The following MTSS1 variants were observed in gnomAD, a reference collection of about 807,000 sequenced individuals.
MTSS1 encodes the protein MTSS I-BAR domain containing 1.
A neutral mutation model predicts 79.0 loss-of-function variants in MTSS1; 18 were observed. The ratio of observed to expected loss-of-function variants is 0.23; its 90% CI spans 0.16 to 0.34. The LOEUF is 0.34. Among genes scored for constraint, MTSS1 ranks in the 10% least tolerant of loss-of-function variants. The probability of loss-of-function intolerance (pLI) is 1.00; values close to 1 mark genes in which losing one functional copy is unlikely to be tolerated. For synonymous variants in MTSS1, 341 were observed against 368.6 expected (o/e 0.93, Z 0.86); for missense variants, 815 against 986.2 (o/e 0.83, Z 2.33).
chr8:124,587,173 G>A (rs989916462), intron 5 of MTSS1, among the ~76,000 whole-genome samples: 4 of 152,306 alleles, frequency 2.6e-5, no homozygotes, highest in Admixed American at 2.0e-4. Flanking sequence ...CAGGGGCCTG[G>A]CCGGATGGTT....
At chr8:124,648,654 C>G (rs958310564) in intron 3 of MTSS1, among the ~76,000 whole-genome samples, 1 of 152,116 alleles carries the variant, frequency 6.6e-6, no homozygotes, top group Non-Finnish European at 1.5e-5. Flanking sequence ...AGCCGTTTCC[C>G]TACTCTCTCC....
chr8:124,583,776 T>G (rs1461392381), intron 6 of MTSS1, among the ~76,000 whole-genome samples: 2 of 152,208 alleles, frequency 1.3e-5, no homozygotes, highest in Non-Finnish European at 2.9e-5. Flanking sequence ...CCCCGAACTG[T>G]GACCAGCCTG....
chr8:124,562,660 G>C (rs1825590449), intron 10 of MTSS1, 122 bp downstream of exon 10: 1 of 943,824 alleles, frequency 1.1e-6, no homozygotes. Context: ...AATTAAACCA[G>C]AGGTTTCTCA....
intron 5 of MTSS1, among the ~76,000 whole-genome samples, chr8:124,587,373 T>C (rs908907431): frequency 5.3e-5 from 8 of 152,250 alleles, no homozygotes; most frequent in Non-Finnish European, 8.8e-5. Flanking sequence ...AAAGTACAGA[T>C]GGATAAATCC....
chr8:124,632,172 G>T (rs947135577), intron 3 of MTSS1, among the ~76,000 whole-genome samples: 2 of 151,436 alleles, frequency 1.3e-5, no homozygotes, highest in African/African-American at 2.4e-5. Flanking sequence ...CCAGCTACTT[G>T]GGAGGCTGAG....
chr8:124,676,629 C>T (rs1825338502), intron 3 of MTSS1, among the ~76,000 whole-genome samples: 1 of 152,236 alleles, frequency 6.6e-6, no homozygotes, highest in Admixed American at 6.5e-5. Flanking sequence ...GCTTCCAAGA[C>T]AACTTCTCAG....
chr8:124,689,772 T>G (rs1384564227), intron 3 of MTSS1, among the ~76,000 whole-genome samples: 1 of 150,926 alleles, frequency 6.6e-6, no homozygotes, highest in African/African-American at 2.4e-5. Flanking sequence ...AAAAAATTCT[T>G]CGCTTCATCT....
chr8:124,650,919 G>A (rs953342413), intron 3 of MTSS1, among the ~76,000 whole-genome samples: 1 of 152,188 alleles, frequency 6.6e-6, no homozygotes, highest in Admixed American at 6.5e-5. Flanking sequence ...GAGGACATCA[G>A]TTTACCTCTC....
chr8:124,721,777 A>C (rs1046954376), intron 1 of MTSS1, among the ~76,000 whole-genome samples: 1 of 152,116 alleles, frequency 6.6e-6, no homozygotes, highest in Non-Finnish European at 1.5e-5. Flanking sequence ...GGTGCTTTTC[A>C]AAATCTTAAT....
intron 3 of MTSS1, among the ~76,000 whole-genome samples, chr8:124,652,321 A>C (rs908240395): frequency 6.6e-6 from 1 of 151,964 alleles, no homozygotes; most frequent in Admixed American, 6.6e-5. Context: ...CTACAGGTGC[A>C]TGCCACCATG....
At chr8:124,688,703 G>A (rs1055031616) in intron 3 of MTSS1, among the ~76,000 whole-genome samples, 1 of 152,128 alleles carries the variant, frequency 6.6e-6, no homozygotes, top group Admixed American at 6.5e-5. Context: ...ACAGAACAGA[G>A]ATTTTTTTCA....
intron 3 of MTSS1, among the ~76,000 whole-genome samples, chr8:124,691,736 G>C (rs545523775): frequency 6.6e-6 from 1 of 151,862 alleles, no homozygotes; most frequent in East Asian, 1.9e-4. Flanking sequence ...GGCTGGTCTC[G>C]AACTGCTGAC....
chr8:124,621,554 T>C (rs551050721), intron 3 of MTSS1, among the ~76,000 whole-genome samples: 204 of 137,348 alleles, frequency 1.5e-3, no homozygotes, highest in African/African-American at 4.9e-3. Flanking sequence ...TGTTTGTGTG[T>C]TTTTTTTTGA....
intron 3 of MTSS1, among the ~76,000 whole-genome samples, chr8:124,691,251 A>G (rs1827886239): frequency 6.6e-6 from 1 of 152,148 alleles, no homozygotes; most frequent in African/African-American, 2.4e-5. Context: ...ATCACCTCCC[A>G]CTAGGGCAAT....
In MTSS1 at chr8:124,682,731, G is replaced by C. The variant is rs954641860; in HGVS notation, c.208+16795C>G. ...CTGAAACAGCAGCTCCTACTTCAAC[G>C]AAGGGGAACTGGGTGGGGAGGGAAA... On this transcript the variant is annotated intron_variant, in intron 3 of 13. Transcript: ENST00000518547. Among the ~76,000 whole-genome samples the C allele has an allele frequency of 3.9e-5, 6 of 152,200 alleles. No homozygotes were observed. The East Asian group carries it at 9.6e-4, about 24-fold the overall frequency.
intron 1 of MTSS1, among the ~76,000 whole-genome samples, chr8:124,708,881 G>GA (rs902490054): frequency 1.5e-5 from 2 of 135,066 alleles, no homozygotes; most frequent in African/African-American, 5.5e-5. Flanking sequence ...TCTAAAAAAA[G>GA]AAAAAAAATC....
chr8:124,606,753 T>G (rs1481482186), intron 3 of MTSS1, among the ~76,000 whole-genome samples: 1 of 151,762 alleles, frequency 6.6e-6, no homozygotes, highest in Admixed American at 6.6e-5. Flanking sequence ...CTGTCGCCAC[T>G]TCCTCGCTCA....
intron 3 of MTSS1, among the ~76,000 whole-genome samples, chr8:124,666,595 G>A (rs1401031359): frequency 6.6e-6 from 1 of 152,184 alleles, no homozygotes; most frequent in African/African-American, 2.4e-5. Flanking sequence ...ATGGAAAACT[G>A]AGTGACTATG....
intron 6 of MTSS1, chr8:124,568,929 G>T: frequency 1.6e-6 from 2 of 1,219,064 alleles, no homozygotes; most frequent in Non-Finnish European, 2.1e-6. Context: ...GAGCCTGTGG[G>T]TGTTTCCAAA....
Sources: allele counts gnomAD v4.1 joint callset (sites outside exome capture counted in the v4.1 genomes callset), GRCh38; gene constraint gnomAD v4.1.1; transcripts MANE v1.5; gene names NCBI Gene and HGNC (gene_info 2026-07-23, HGNC 2026-07-21).